IGSF10: variants seen among roughly 807,000 people sequenced by gnomAD.
IGSF10 encodes calvaria mechanical force protein 608.
IGSF10 carries 126 observed loss-of-function variants against 128.2 expected under a neutral mutation model. The observed-to-expected ratio is 0.98, with a 90% confidence interval of 0.85 to 1.14. The LOEUF (loss-of-function observed/expected upper bound fraction) is 1.14, where lower values mean the gene tolerates loss of function less well. Ranked by LOEUF, IGSF10 falls within the 50% of genes most tolerant of loss-of-function variation. The pLI is 0.00. For missense variants in IGSF10, 3,295 were observed against 3,149.8 expected, an observed-to-expected ratio of 1.05 and a Z score of -1.10; for synonymous variants, 1,185 against 1,146.2, an observed-to-expected ratio of 1.03 and a Z score of -0.68.
At chr3:151,520,432 C>G in the IGSF10 span, among the ~76,000 whole-genome samples, 7 of 151,722 alleles carry the variant, frequency 4.6e-5, no homozygotes, top group Non-Finnish European at 8.9e-5. Context: ...TTTTATTCCT[C>G]TTATGAAAAA....
the IGSF10 span, among the ~76,000 whole-genome samples, chr3:151,514,837 C>G: frequency 6.6e-6 from 1 of 152,168 alleles, no homozygotes; most frequent in East Asian, 1.9e-4. Flanking sequence ...CAAAAGAAGA[C>G]ATTTATGCAG....
At chr3:151,444,463 A>G (rs902973553) in intron 6 of IGSF10, among the ~76,000 whole-genome samples, 2 of 152,062 alleles carry the variant, frequency 1.3e-5, no homozygotes, top group African/African-American at 4.8e-5. Context: ...GCCCACCACC[A>G]CACCCGGCTA....
intron 4 of IGSF10, among the ~76,000 whole-genome samples, chr3:151,456,717 A>G (rs1235821483): frequency 6.6e-6 from 1 of 152,234 alleles, no homozygotes; most frequent in Non-Finnish European, 1.5e-5. Flanking sequence ...TAGGAACCAC[A>G]TTCAATTCCC....
the IGSF10 span, among the ~76,000 whole-genome samples, chr3:151,496,636 C>T: frequency 0.026 from 3,779 of 147,042 alleles, 125 homozygotes; most frequent in East Asian, 0.17. Context: ...CCACAATAAA[C>T]ATACATGTGC....
At chr3:151,509,248 T>C in the IGSF10 span, among the ~76,000 whole-genome samples, 2 of 152,232 alleles carry the variant, frequency 1.3e-5, no homozygotes, top group East Asian at 3.9e-4. Context: ...TCCAAGAAAA[T>C]ACTTTACCAG....
the IGSF10 span, among the ~76,000 whole-genome samples, chr3:151,550,368 T>C: frequency 5.3e-5 from 8 of 152,298 alleles, no homozygotes; most frequent in African/African-American, 1.4e-4. Flanking sequence ...TAATCTTTAA[T>C]TGAGAATTTA....
rs766182509 is a variant in IGSF10, at chr3:151,453,504, A to C, written c.595T>G (p.Ser199Ala). Residue 199 changes from serine (S) to alanine (A), a missense_variant, in exon 5 of 8, where the codon TCC becomes GCC. Physicochemically the swap from Ser to Ala is moderately conservative, Grantham distance 99 (BLOSUM62 1). Coordinates refer to ENST00000282466, the MANE Select transcript of IGSF10 (RefSeq NM_178822.5). ...TAGGAGACCATCTCTTGAGGGAGGGAGGTCAGGAAGTTATCAGACAAGTAT... is the reference window on the plus strand; with the variant it reads ...TAGGAGACCATCTCTTGAGGGAGGGCGGTCAGGAAGTTATCAGACAAGTAT... ...FLYLSDNFLT[S>A]LPQEMVSYMP... 6.2e-7 allele frequency: 1 copy of C among 1,614,016 alleles called. No homozygotes were observed. Among genetic ancestry groups the C allele is most frequent in the Admixed American group, 1.7e-5 (1 of 60,014 alleles).
At chr3:151,493,650 G>A in the IGSF10 span, among the ~76,000 whole-genome samples, 2 of 151,966 alleles carry the variant, frequency 1.3e-5, no homozygotes, top group Non-Finnish European at 2.9e-5. Context: ...ACATAGCCTA[G>A]GTGTATAGTA....
chr3:151,491,004 T>C, the IGSF10 span, among the ~76,000 whole-genome samples: 1 of 150,752 alleles, frequency 6.6e-6, no homozygotes, highest in Admixed American at 6.6e-5. Flanking sequence ...AGGAAGGAAA[T>C]AAAGATTAGA....
At chr3:151,576,311 C>T in the IGSF10 span, among the ~76,000 whole-genome samples, 1 of 151,932 alleles carries the variant, frequency 6.6e-6, no homozygotes, top group Non-Finnish European at 1.5e-5. Context: ...TAAATTATGC[C>T]TTGTCTGAAG....
At chr3:151,540,543 T>C in the IGSF10 span, among the ~76,000 whole-genome samples, 1 of 152,210 alleles carries the variant, frequency 6.6e-6, no homozygotes, top group Non-Finnish European at 1.5e-5. Flanking sequence ...CTACTTTTGA[T>C]AGCCTGTGAG....
chr3:151,581,188 G>T, the IGSF10 span, among the ~76,000 whole-genome samples: 1 of 151,968 alleles, frequency 6.6e-6, no homozygotes, highest in Admixed American at 6.6e-5. Flanking sequence ...AAATTTTTGT[G>T]GTGCTTAGTA....
the IGSF10 span, among the ~76,000 whole-genome samples, chr3:151,576,250 T>G: frequency 6.6e-6 from 1 of 152,108 alleles, no homozygotes. Flanking sequence ...CATTTTAGAC[T>G]TTAGCATTAC....
At chr3:151,520,971 T>C in the IGSF10 span, among the ~76,000 whole-genome samples, 1 of 151,382 alleles carries the variant, frequency 6.6e-6, no homozygotes, top group East Asian at 1.9e-4. Flanking sequence ...TATCCAATAG[T>C]CTTTAAGTGA....
At chr3:151,560,891 C>A in the IGSF10 span, among the ~76,000 whole-genome samples, 2 of 152,156 alleles carry the variant, frequency 1.3e-5, no homozygotes, top group Non-Finnish European at 1.5e-5. Flanking sequence ...ACGTTGACTT[C>A]TTGACCAAAC....
At chr3:151,595,774 G>T in the IGSF10 span, among the ~76,000 whole-genome samples, 2 of 150,316 alleles carry the variant, frequency 1.3e-5, no homozygotes, top group Non-Finnish European at 1.5e-5. Flanking sequence ...ATAGAAAGGT[G>T]GTTACTAGGG....
the IGSF10 span, among the ~76,000 whole-genome samples, chr3:151,567,786 A>G: frequency 2.6e-5 from 4 of 152,072 alleles, no homozygotes; most frequent in Non-Finnish European, 5.9e-5. Flanking sequence ...TGCTTAGCCT[A>G]TTTTCCTGCC....
the IGSF10 span, among the ~76,000 whole-genome samples, chr3:151,558,025 A>AT: frequency 7.2e-4 from 23 of 31,960 alleles, 1 homozygote; most frequent in East Asian, 7.9e-3. Context: ...TATAATATAT[A>AT]TATTGGTACA....
At chr3:151,589,872 A>G in the IGSF10 span, among the ~76,000 whole-genome samples, 2 of 152,164 alleles carry the variant, frequency 1.3e-5, no homozygotes, top group Admixed American at 1.3e-4. Flanking sequence ...CACAGCTAGG[A>G]ATATATTGCT....
Sources: allele counts gnomAD v4.1 joint callset (sites outside exome capture counted in the v4.1 genomes callset), GRCh38; gene constraint gnomAD v4.1.1; transcripts MANE v1.5; gene names NCBI Gene and HGNC (gene_info 2026-07-23, HGNC 2026-07-21).